The following IFT52 variants were observed in gnomAD, a reference collection of about 807,000 sequenced individuals.
The protein encoded by IFT52 is intraflagellar transport 52.
Under a neutral mutation model 54.4 loss-of-function variants are expected in IFT52, and 44 were observed. The ratio of observed to expected loss-of-function variants is 0.81; its 90% CI spans 0.63 to 1.04. The LOEUF is 1.04. Ranked by LOEUF, IFT52 falls within the 50% of genes least tolerant of loss-of-function variation. The pLI is 0.00. For missense variants in IFT52, 452 were observed against 523.6 expected (o/e 0.86, Z 1.33); for synonymous variants, 181 against 185.3 (o/e 0.98, Z 0.19).
chr20:43,605,328 C>A, intron 6 of IFT52: 1 of 799,834 alleles, frequency 1.3e-6, no homozygotes, highest in Non-Finnish European at 1.7e-6. Context: ...GGGTGGCCCA[C>A]CTGAGGTCAG....
intron 10 of IFT52, among the ~76,000 whole-genome samples, chr20:43,634,525 G>T (rs189116797): frequency 1.3e-5 from 2 of 151,908 alleles, no homozygotes; most frequent in African/African-American, 4.8e-5. Context: ...CTTGAAATAC[G>T]TTAACATATT....
chr20:43,623,813 A>C, intron 9 of IFT52, 78 bp from the exon 10 acceptor site: 19 of 1,447,900 alleles, frequency 1.3e-5, no homozygotes, highest in Non-Finnish European at 1.7e-5. Context: ...TTGCAGATTT[A>C]GACCTGAGAC....
At chr20:43,623,012 G>A (rs1001956089) in intron 9 of IFT52, among the ~76,000 whole-genome samples, 1 of 152,000 alleles carries the variant, frequency 6.6e-6, no homozygotes, top group Non-Finnish European at 1.5e-5. Flanking sequence ...GGAACTGTCT[G>A]TACTGGTGTC....
chr20:43,637,507 C>T (rs1985627972), intron 12 of IFT52, among the ~76,000 whole-genome samples: 2 of 152,200 alleles, frequency 1.3e-5, no homozygotes, highest in African/African-American at 4.8e-5. Context: ...AGGCGATCAG[C>T]CCGCCTCGGC....
At chr20:43,632,674 A>G (rs1408252007) in intron 10 of IFT52, among the ~76,000 whole-genome samples, 2 of 152,174 alleles carry the variant, frequency 1.3e-5, no homozygotes, top group Non-Finnish European at 1.5e-5. Context: ...TGTACTCCTC[A>G]TGTGTAGAAC....
In IFT52 at chr20:43,647,230, G is replaced by T; in HGVS notation, c.*247G>T. The T allele has an allele frequency of 4.0e-6, 2 of 499,922 alleles. No individual in the cohort carries two copies. Among genetic ancestry groups the T allele is most frequent in the Non-Finnish European group, 7.0e-6 (2 of 284,586 alleles). 31.0% of individuals were successfully genotyped at this position (499,922 alleles called of 1,614,324 possible). ...CTGTCTTTTTATACCCTATGAAACA[G>T]TCTTGATTTTTTTTTCTCAACCCCA... On this transcript the variant is annotated 3_prime_UTR_variant, in exon 14 of 14. Transcript: ENST00000373030.
chr20:43,598,178 A>C (rs1287372248), intron 3 of IFT52, among the ~76,000 whole-genome samples: 1 of 152,186 alleles, frequency 6.6e-6, no homozygotes, highest in African/African-American at 2.4e-5. Context: ...AAACGAAAAT[A>C]AGGCAGACAC....
chr20:43,594,222 C>T (rs922404446), intron 1 of IFT52, among the ~76,000 whole-genome samples: 5 of 152,032 alleles, frequency 3.3e-5, no homozygotes, highest in Non-Finnish European at 7.4e-5. Context: ...GCAGGAGAAT[C>T]GCTTGAACCC....
chr20:43,634,024 C>T lies in IFT52; in HGVS notation c.924-1902C>T, dbSNP rs538871811. The stretch of plus-strand genomic sequence containing the variant: ...ACTAAAATTTTTTTTTAAAAATTAG[C>T]AAGGCATGGTGGTGCACACTCGCTC... On this transcript the variant is annotated intron_variant, in intron 10 of 13. Coordinates refer to ENST00000373030, the MANE Select transcript of IFT52 (RefSeq NM_016004.5). Among the ~76,000 whole-genome samples, 16 of 151,784 alleles carry T rather than the reference C, an allele frequency of 1.1e-4. No individual in the cohort carries two copies. The South Asian group carries it at 3.3e-3, about 32-fold the overall frequency.
intron 6 of IFT52, among the ~76,000 whole-genome samples, chr20:43,612,957 G>A (rs1983573620): frequency 6.6e-6 from 1 of 152,000 alleles, no homozygotes; most frequent in Non-Finnish European, 1.5e-5. Context: ...TACATGGGTT[G>A]GCTTCACCCC....
chr20:43,631,924 C>CTTTT (rs561193928), intron 10 of IFT52, among the ~76,000 whole-genome samples: 80 of 137,672 alleles, frequency 5.8e-4, no homozygotes, highest in African/African-American at 2.1e-3. Flanking sequence ...TCTGATTTGT[C>CTTTT]TTTTTTTTTT....
chr20:43,639,669 T>TA (rs541127524), intron 12 of IFT52, among the ~76,000 whole-genome samples: 1,658 of 149,328 alleles, frequency 0.011, 23 homozygotes, highest in African/African-American at 0.03. Context: ...AAACTCCATC[T>TA]AAAAAAAAAA....
At chr20:43,639,657 C>T (rs955664494) in intron 12 of IFT52, among the ~76,000 whole-genome samples, 2 of 151,076 alleles carry the variant, frequency 1.3e-5, no homozygotes, top group African/African-American at 2.4e-5. Flanking sequence ...GCAACAAGAG[C>T]GAAACTCCAT....
At chr20:43,604,367 C>G (rs765069448) in intron 5 of IFT52, 109 bp downstream of exon 5, 4 of 718,174 alleles carry the variant, frequency 5.6e-6, no homozygotes, top group Non-Finnish European at 9.5e-6. Flanking sequence ...GTCAGGAGTT[C>G]CAAACCAGCC....
intron 1 of IFT52, among the ~76,000 whole-genome samples, chr20:43,591,580 G>A (rs1333245561): frequency 6.6e-6 from 1 of 152,096 alleles, no homozygotes; most frequent in Non-Finnish European, 1.5e-5. Context: ...TCACGGTGGT[G>A]GGACCATGGA....
At chr20:43,646,836 A>T in intron 13 of IFT52, 100 bp from the exon 14 acceptor site, 1 of 1,004,178 alleles carries the variant, frequency 1.0e-6, no homozygotes, top group Non-Finnish European at 1.6e-6. Context: ...TGTCCTAATT[A>T]ATAAAGATTC....
At chr20:43,642,336 C>T (rs1214261647) in intron 12 of IFT52, 143 bp from the exon 13 acceptor site, 6 of 708,986 alleles carry the variant, frequency 8.5e-6, no homozygotes, top group Admixed American at 2.8e-5. Context: ...TGTTGAAATC[C>T]TGTAGTCACA....
chr20:43,605,193 G>A (rs1982763908), intron 6 of IFT52, 120 bp downstream of exon 6: 2 of 1,481,916 alleles, frequency 1.3e-6, no homozygotes, highest in African/African-American at 1.4e-5. Context: ...CAGTTCAAGA[G>A]GAAAAAAGTA....
chr20:43,599,862 G>A (rs867175730), intron 3 of IFT52, among the ~76,000 whole-genome samples: 6 of 152,226 alleles, frequency 3.9e-5, no homozygotes, highest in South Asian at 4.2e-4. Context: ...TGGCTGAGAC[G>A]AGTATTTTCC....
Sources: allele counts gnomAD v4.1 joint callset (sites outside exome capture counted in the v4.1 genomes callset), GRCh38; gene constraint gnomAD v4.1.1; transcripts MANE v1.5; gene names NCBI Gene and HGNC (gene_info 2026-07-23, HGNC 2026-07-21).